Variants in PALM2AKAP2 observed in about 807,000 individuals in gnomAD.
PALM2AKAP2 encodes PALM2-AKAP2 fusion protein.
Under a neutral mutation model 71.5 loss-of-function variants are expected in PALM2AKAP2, and 37 were observed. That is an observed-to-expected ratio of 0.52 (90% CI 0.40 to 0.68). The LOEUF is 0.68. Ranked by LOEUF, PALM2AKAP2 falls within the 30% of genes least tolerant of loss-of-function variation. The probability of loss-of-function intolerance (pLI) is 0.00; values close to 1 mark genes in which losing one functional copy is unlikely to be tolerated. For synonymous variants in PALM2AKAP2, 468 were observed against 478.8 expected (o/e 0.98, Z 0.29); for missense variants, 1,224 against 1,191.8 (o/e 1.03, Z -0.40).
chr9:110,046,373 A>C (rs537134577), upstream of PALM2AKAP2, among the ~76,000 whole-genome samples: 1 of 152,284 alleles, frequency 6.6e-6, no homozygotes, highest in South Asian at 2.1e-4. Context: ...TTTCTGAAGA[A>C]TATTCTAGAA....
intron 1 of PALM2AKAP2, among the ~76,000 whole-genome samples, chr9:109,672,596 G>T (rs1396079838): frequency 6.6e-6 from 1 of 151,688 alleles, no homozygotes; most frequent in African/African-American, 2.4e-5. Context: ...TCAAATTTTG[G>T]TATCAGGATG....
chr9:110,153,668 C>T (rs1191269143), intron 2 of PALM2AKAP2, among the ~76,000 whole-genome samples: 2 of 152,228 alleles, frequency 1.3e-5, no homozygotes, highest in Admixed American at 6.5e-5. Context: ...ACCACAGCTA[C>T]TGCTGGGATC....
rs7047565 is a variant in PALM2AKAP2, at chr9:109,897,766, A to G, written c.257+17085A>G. ...AATCATATTCACTTCATTCAATATG[A>G]AAAGCAAGTATAGATTTACAGTTTA... is the stretch of plus-strand genomic sequence containing the variant. On this transcript the variant is annotated intron_variant, in intron 3 of 9. Transcript: ENST00000302798. Among the ~76,000 whole-genome samples, 339 of 152,358 alleles carry G rather than the reference A, an allele frequency of 2.2e-3. 2 individuals are homozygous for G. The highest frequency in any genetic ancestry group is 7.6e-3 in the African/African-American group (317 of 41,586).
At chr9:109,933,036 G>A (rs1441274416) in intron 6 of PALM2AKAP2, among the ~76,000 whole-genome samples, 7 of 152,168 alleles carry the variant, frequency 4.6e-5, no homozygotes, top group Non-Finnish European at 7.3e-5. Flanking sequence ...TAGTTGTCAC[G>A]TCCACTGGCT....
chr9:109,764,009 C>G (rs1327796), intron 1 of PALM2AKAP2, among the ~76,000 whole-genome samples: 29,952 of 152,054 alleles, frequency 0.2, 3,075 homozygotes, highest in East Asian at 0.26. Flanking sequence ...TTCACAAGTA[C>G]AAGGGGTAGG....
chr9:110,039,884 G>A (rs1165080645), intron 7 of PALM2AKAP2, among the ~76,000 whole-genome samples: 4 of 152,018 alleles, frequency 2.6e-5, no homozygotes, highest in Admixed American at 6.6e-5. Flanking sequence ...TTATCTGTCT[G>A]GCTTCCTAAG....
intron 1 of PALM2AKAP2, among the ~76,000 whole-genome samples, chr9:109,795,575 A>G (rs1487234989): frequency 6.6e-6 from 1 of 152,230 alleles, no homozygotes; most frequent in East Asian, 1.9e-4. Context: ...GTGTCCATCT[A>G]TAGTGCCGCC....
chr9:109,849,358 G>T (rs980381274), intron 1 of PALM2AKAP2, among the ~76,000 whole-genome samples: 1 of 152,198 alleles, frequency 6.6e-6, no homozygotes, highest in African/African-American at 2.4e-5. Flanking sequence ...TTTGAAGATA[G>T]CCATCTTCCC....
At chr9:109,764,672 C>T (rs1028296611) in intron 1 of PALM2AKAP2, among the ~76,000 whole-genome samples, 3 of 152,056 alleles carry the variant, frequency 2.0e-5, no homozygotes, top group Non-Finnish European at 4.4e-5. Context: ...TCACCGATGC[C>T]AGTGCAGTAG....
chr9:109,867,012 A>G, intron 1 of PALM2AKAP2: 1 of 456,642 alleles, frequency 2.2e-6, no homozygotes, highest in Non-Finnish European at 4.4e-6. Flanking sequence ...ACGTCTGCTT[A>G]TTTATGTCTG....
At chr9:109,762,000 C>A (rs964846656) in intron 1 of PALM2AKAP2, among the ~76,000 whole-genome samples, 20 of 152,076 alleles carry the variant, frequency 1.3e-4, no homozygotes, top group African/African-American at 4.8e-4. Context: ...CCATCTCATG[C>A]CAGTTAGAAT....
intron 1 of PALM2AKAP2, among the ~76,000 whole-genome samples, chr9:110,110,542 CTT>C (rs559402514): frequency 5.3e-4 from 51 of 95,360 alleles, no homozygotes; most frequent in African/African-American, 1.4e-3. Flanking sequence ...TTTCTGAACT[CTT>C]TTTTTTTTTT....
intron 1 of PALM2AKAP2, among the ~76,000 whole-genome samples, chr9:109,836,269 G>C (rs918865391): frequency 1.3e-5 from 2 of 152,292 alleles, no homozygotes; most frequent in Admixed American, 1.3e-4. Context: ...AGGCAAACAG[G>C]GTCTGGAATG....
intron 1 of PALM2AKAP2, among the ~76,000 whole-genome samples, chr9:109,752,699 A>G (rs1342607540): frequency 6.6e-6 from 1 of 152,152 alleles, no homozygotes; most frequent in African/African-American, 2.4e-5. Context: ...GCTATTTCCT[A>G]AGAACAAGAG....
intron 1 of PALM2AKAP2, among the ~76,000 whole-genome samples, chr9:109,702,425 A>G (rs1240165559): frequency 6.6e-6 from 1 of 152,232 alleles, no homozygotes; most frequent in East Asian, 1.9e-4. Flanking sequence ...AAAAAGGATG[A>G]GTTCGTGTCC....
At chr9:109,865,420 A>G (rs1587970597) in intron 1 of PALM2AKAP2, among the ~76,000 whole-genome samples, 1 of 152,084 alleles carries the variant, frequency 6.6e-6, no homozygotes, top group East Asian at 1.9e-4. Flanking sequence ...ACCCATTCTT[A>G]AAGGACTAAC....
intron 4 of PALM2AKAP2, among the ~76,000 whole-genome samples, chr9:109,924,083 A>T (rs985948181): frequency 2.0e-5 from 3 of 152,180 alleles, no homozygotes; most frequent in Non-Finnish European, 2.9e-5. Flanking sequence ...GAGTCATTAG[A>T]TTACCCCATC....
intron 1 of PALM2AKAP2, among the ~76,000 whole-genome samples, chr9:110,126,766 A>C (rs1030486959): frequency 6.6e-6 from 1 of 152,156 alleles, no homozygotes; most frequent in Non-Finnish European, 1.5e-5. Flanking sequence ...GACCCCCACC[A>C]CACACACTGT....
chr9:109,916,990 C>T (rs1830708380), intron 3 of PALM2AKAP2, among the ~76,000 whole-genome samples: 1 of 152,188 alleles, frequency 6.6e-6, no homozygotes, highest in South Asian at 2.1e-4. Flanking sequence ...ATTAAAATTA[C>T]AGATGGAATT....
Sources: gnomAD v4.1 joint callset for allele counts (sites outside exome capture counted in the v4.1 genomes callset) on GRCh38, gnomAD v4.1.1 for gene constraint, MANE v1.5 for transcripts, NCBI Gene and HGNC (gene_info 2026-07-23, HGNC 2026-07-21) for gene names.